The following SPAG16 variants were observed in gnomAD, a reference collection of about 807,000 sequenced individuals.
SPAG16 encodes sperm associated antigen 16, also known as sperm-associated antigen 16 protein.
A neutral mutation model predicts 80.4 loss-of-function variants in SPAG16; 86 were observed. The ratio of observed to expected loss-of-function variants is 1.07; its 90% CI spans 0.90 to 1.28. The LOEUF is 1.28. Ranked by LOEUF, SPAG16 falls within the 50% of genes most tolerant of loss-of-function variation. The probability of loss-of-function intolerance (pLI) is 0.00; values close to 1 mark genes in which losing one functional copy is unlikely to be tolerated. For missense variants in SPAG16, 870 were observed against 765.3 expected (o/e 1.14, Z -1.61); for synonymous variants, 294 against 265.9 (o/e 1.11, Z -1.03).
At chr2:213,712,553 G>T (rs1282973129) in intron 10 of SPAG16, among the ~76,000 whole-genome samples, 1 of 152,152 alleles carries the variant, frequency 6.6e-6, no homozygotes, top group Admixed American at 6.5e-5. Context: ...TCTACACGTA[G>T]TAAGACAAGG....
intron 10 of SPAG16, among the ~76,000 whole-genome samples, chr2:213,830,012 G>T (rs1302663118): frequency 6.6e-6 from 1 of 152,132 alleles, no homozygotes; most frequent in Non-Finnish European, 1.5e-5. Context: ...ACCATGGCTT[G>T]TGTCTTTACT....
At chr2:214,244,059 G>A (rs976196412) in intron 15 of SPAG16, among the ~76,000 whole-genome samples, 8 of 151,812 alleles carry the variant, frequency 5.3e-5, no homozygotes, top group Admixed American at 1.3e-4. Context: ...AATGCATTGC[G>A]AATAACAAAA....
In SPAG16 at chr2:213,326,708, T is replaced by G. The variant is rs78917730; in HGVS notation, c.536+9352T>G. ...AATTTTTTCATGTGAGAAAAATATATGACAAAGATAGCCTACTTCGATGCA... is the reference window on the plus strand; with the variant it reads ...AATTTTTTCATGTGAGAAAAATATAGGACAAAGATAGCCTACTTCGATGCA... On this transcript the variant is annotated intron_variant, in intron 5 of 15. Transcript: ENST00000331683. 3.9e-3 allele frequency among the ~76,000 whole-genome samples: 592 copies of G among 152,132 alleles called. 16 individuals are homozygous for G. The East Asian group carries it at 0.042, about 11-fold the overall frequency.
intron 10 of SPAG16, among the ~76,000 whole-genome samples, chr2:213,742,336 C>G (rs2067593059): frequency 6.6e-6 from 1 of 151,962 alleles, no homozygotes; most frequent in Non-Finnish European, 1.5e-5. Context: ...TTAGTATAGT[C>G]CATTTGCACC....
At chr2:213,543,247 A>C (rs2076512371) in intron 10 of SPAG16, among the ~76,000 whole-genome samples, 1 of 151,966 alleles carries the variant, frequency 6.6e-6, no homozygotes, top group Non-Finnish European at 1.5e-5. Context: ...CTTTTTTATG[A>C]ATGGTCATTT....
chr2:213,494,186 C>G (rs2074386817), intron 10 of SPAG16, among the ~76,000 whole-genome samples: 1 of 152,176 alleles, frequency 6.6e-6, no homozygotes, highest in African/African-American at 2.4e-5. Context: ...TGGCCCTAGA[C>G]TCAACTTTAT....
chr2:213,438,718 A>C (rs2070774252), intron 9 of SPAG16, among the ~76,000 whole-genome samples: 1 of 152,334 alleles, frequency 6.6e-6, no homozygotes, highest in African/African-American at 2.4e-5. Context: ...GTTACTTTAT[A>C]TGTAAAAGGG....
At chr2:214,067,945 G>A (rs2050609684) in intron 13 of SPAG16, among the ~76,000 whole-genome samples, 1 of 152,090 alleles carries the variant, frequency 6.6e-6, no homozygotes, top group Admixed American at 6.6e-5. Flanking sequence ...GTGTTACTTT[G>A]TAAATAGAAT....
intron 7 of SPAG16, among the ~76,000 whole-genome samples, chr2:213,362,689 C>T (rs997685304): frequency 6.6e-6 from 1 of 152,174 alleles, no homozygotes; most frequent in Admixed American, 6.5e-5. Context: ...CTGTAAAATA[C>T]TGTCAGACTA....
chr2:213,934,149 A>G (rs1388715121), intron 12 of SPAG16, among the ~76,000 whole-genome samples: 1 of 152,232 alleles, frequency 6.6e-6, no homozygotes, highest in Non-Finnish European at 1.5e-5. Flanking sequence ...GCCATGGTCC[A>G]ATCAAGGAAC....
intron 15 of SPAG16, among the ~76,000 whole-genome samples, chr2:214,309,726 C>G (rs2125975403): frequency 6.6e-6 from 1 of 152,262 alleles, no homozygotes; most frequent in East Asian, 1.9e-4. Flanking sequence ...TATTGGGCCC[C>G]AACTTTGTTC....
At chr2:213,905,333 A>G (rs1392342634) in intron 11 of SPAG16, among the ~76,000 whole-genome samples, 3 of 152,232 alleles carry the variant, frequency 2.0e-5, no homozygotes. Flanking sequence ...TATACGTATA[A>G]TAACTCGGGC....
chr2:214,393,112 A>G (rs1295611928), intron 15 of SPAG16, among the ~76,000 whole-genome samples: 4 of 152,234 alleles, frequency 2.6e-5, no homozygotes, highest in African/African-American at 7.2e-5. Flanking sequence ...ACCATGTCAT[A>G]TATTTTCTCA....
intron 9 of SPAG16, among the ~76,000 whole-genome samples, chr2:213,419,733 T>C (rs2125431077): frequency 6.6e-6 from 1 of 152,320 alleles, no homozygotes; most frequent in Admixed American, 6.5e-5. Context: ...ATGGACTACA[T>C]TGTGGTTTGC....
chr2:213,728,517 C>G (rs996908836), intron 10 of SPAG16, among the ~76,000 whole-genome samples: 1 of 152,166 alleles, frequency 6.6e-6, no homozygotes, highest in African/African-American at 2.4e-5. Flanking sequence ...ACGTTATAGT[C>G]TCTGCCACAG....
At chr2:214,211,662 C>T (rs1403991886) in intron 15 of SPAG16, among the ~76,000 whole-genome samples, 1 of 152,174 alleles carries the variant, frequency 6.6e-6, no homozygotes, top group Non-Finnish European at 1.5e-5. Context: ...GCAACCAAGA[C>T]TGAGAAAGCC....
intron 15 of SPAG16, among the ~76,000 whole-genome samples, chr2:214,254,467 C>T: frequency 6.6e-6 from 1 of 152,032 alleles, no homozygotes; most frequent in African/African-American, 2.4e-5. Flanking sequence ...TCCGTTAATA[C>T]CTAGTTTATT....
At chr2:213,326,811 T>A (rs1269516615) in intron 5 of SPAG16, among the ~76,000 whole-genome samples, 1 of 152,106 alleles carries the variant, frequency 6.6e-6, no homozygotes, top group South Asian at 2.1e-4. Flanking sequence ...TATTAAATGA[T>A]CATTCAAAAA....
intron 10 of SPAG16, among the ~76,000 whole-genome samples, chr2:213,490,790 T>C (rs1010946064): frequency 6.6e-6 from 1 of 152,146 alleles, no homozygotes; most frequent in East Asian, 1.9e-4. Context: ...TTGCATTTGG[T>C]CATAGAGTCC....
Sources: gnomAD v4.1 joint callset for allele counts (sites outside exome capture counted in the v4.1 genomes callset) on GRCh38, gnomAD v4.1.1 for gene constraint, MANE v1.5 for transcripts, NCBI Gene and HGNC (gene_info 2026-07-23, HGNC 2026-07-21) for gene names.